The following PDE3A variants were observed in gnomAD, a reference collection of about 807,000 sequenced individuals.
The protein encoded by PDE3A is cGMP-inhibited 3',5'-cyclic phosphodiesterase 3A.
In PDE3A, 43 loss-of-function variants were observed where a neutral mutation model predicts 98.3. The observed-to-expected ratio is 0.44, with a 90% confidence interval of 0.34 to 0.56. PDE3A has a LOEUF of 0.56. Ranked by LOEUF, PDE3A falls within the 20% of genes least tolerant of loss-of-function variation. The pLI is 0.01. For missense variants in PDE3A, 1,427 were observed against 1,440.7 expected, an observed-to-expected ratio of 0.99 and a Z score of 0.15; for synonymous variants, 663 against 567.9, an observed-to-expected ratio of 1.17 and a Z score of -2.38.
chr12:20,515,978 C>A (rs866501895), intron 1 of PDE3A, among the ~76,000 whole-genome samples: 1 of 149,880 alleles, frequency 6.7e-6, no homozygotes, highest in Non-Finnish European at 1.5e-5. Context: ...GTGATCCGCC[C>A]GCCTCGGCCT....
intron 1 of PDE3A, among the ~76,000 whole-genome samples, chr12:20,519,651 A>G (rs1946386956): frequency 6.6e-6 from 1 of 152,214 alleles, no homozygotes; most frequent in South Asian, 2.1e-4. Flanking sequence ...AAGGGAATGT[A>G]AAAATATGTG....
intron 1 of PDE3A, among the ~76,000 whole-genome samples, chr12:20,502,263 C>G (rs1391135773): frequency 1.3e-5 from 2 of 152,102 alleles, no homozygotes; most frequent in Non-Finnish European, 2.9e-5. Flanking sequence ...TCACTTCCAA[C>G]TTCTTTTTAT....
chr12:20,672,104 C>T (rs1387090591), intron 15 of PDE3A, among the ~76,000 whole-genome samples: 3 of 151,284 alleles, frequency 2.0e-5, no homozygotes, highest in Admixed American at 6.6e-5. Context: ...ACAATTGCTT[C>T]AAAGAGAATA....
At chr12:20,435,558 A>T (rs1170708647) in intron 1 of PDE3A, among the ~76,000 whole-genome samples, 1 of 152,158 alleles carries the variant, frequency 6.6e-6, no homozygotes, top group Admixed American at 6.5e-5. Flanking sequence ...AAGTACTATT[A>T]TTATGGACAA....
At chr12:20,672,436 T>C (rs1169942958) in intron 15 of PDE3A, among the ~76,000 whole-genome samples, 2 of 148,058 alleles carry the variant, frequency 1.4e-5, no homozygotes, top group Non-Finnish European at 3.0e-5. Flanking sequence ...TCACACTACC[T>C]GACTTCAAAC....
intron 1 of PDE3A, among the ~76,000 whole-genome samples, chr12:20,516,576 T>C (rs78749270): frequency 0.014 from 2,112 of 152,250 alleles, 51 homozygotes; most frequent in African/African-American, 0.048. Context: ...TCTTTCAGGG[T>C]ATGGCATTCT....
intron 15 of PDE3A, among the ~76,000 whole-genome samples, chr12:20,678,764 T>C (rs1945698956): frequency 6.6e-6 from 1 of 152,136 alleles, no homozygotes; most frequent in African/African-American, 2.4e-5. Flanking sequence ...AAATGAGAAA[T>C]ATCTCAGGGG....
At chr12:20,440,771 C>T (rs1373854855) in intron 1 of PDE3A, among the ~76,000 whole-genome samples, 2 of 152,118 alleles carry the variant, frequency 1.3e-5, no homozygotes, top group African/African-American at 4.8e-5. Context: ...TGATCTAACT[C>T]ATTGTGGAAG....
At chr12:20,547,620 A>C (rs78201583) in intron 1 of PDE3A, among the ~76,000 whole-genome samples, 2,498 of 152,102 alleles carry the variant, frequency 0.016, 75 homozygotes, top group African/African-American at 0.058. Context: ...TTCCATCGTT[A>C]TCCTCTTTTT....
rs967581622 is a variant in PDE3A, at chr12:20,514,442, G to A, written c.961-42218G>A. Among the ~76,000 whole-genome samples the A allele has an allele frequency of 7.2e-5, 11 of 152,166 alleles. 1 individual carries two copies. In the South Asian group the frequency reaches 2.3e-3, roughly 32 times the overall value. On this transcript the variant is annotated intron_variant, in intron 1 of 15. Transcript: ENST00000359062. Reference sequence around the variant, plus strand: ...TTATTTGTGTTGTGTTTGAAGTAAAGCATGATTGATAACATTTGATGTGAA... The same window carrying A: ...TTATTTGTGTTGTGTTTGAAGTAAAACATGATTGATAACATTTGATGTGAA...
chr12:20,486,070 C>T (rs1261058137), intron 1 of PDE3A, among the ~76,000 whole-genome samples: 4 of 152,132 alleles, frequency 2.6e-5, no homozygotes, highest in Non-Finnish European at 4.4e-5. Flanking sequence ...TTTAGCCTAT[C>T]GCTGATAGAC....
chr12:20,390,022 T>C (rs554769795), intron 1 of PDE3A, among the ~76,000 whole-genome samples: 4 of 151,594 alleles, frequency 2.6e-5, no homozygotes, highest in African/African-American at 9.7e-5. Flanking sequence ...GGATATGAGG[T>C]AGGGAAGGAT....
intron 1 of PDE3A, among the ~76,000 whole-genome samples, chr12:20,473,806 A>G (rs149256822): frequency 6.6e-6 from 1 of 152,258 alleles, no homozygotes; most frequent in East Asian, 1.9e-4. Flanking sequence ...GTTGATATGT[A>G]TAATTATAGT....
chr12:20,412,507 C>T (rs555055800), intron 1 of PDE3A, among the ~76,000 whole-genome samples: 2 of 152,082 alleles, frequency 1.3e-5, no homozygotes, highest in East Asian at 3.9e-4. Flanking sequence ...TTAATGTATC[C>T]ATAGGCAATT....
At chr12:20,464,355 A>G (rs1273055781) in intron 1 of PDE3A, among the ~76,000 whole-genome samples, 1 of 152,222 alleles carries the variant, frequency 6.6e-6, no homozygotes, top group Admixed American at 6.5e-5. Context: ...AAAGCAATAT[A>G]TTCACTTAAC....
intron 1 of PDE3A, among the ~76,000 whole-genome samples, chr12:20,402,659 A>C (rs1039957592): frequency 1.3e-5 from 2 of 152,212 alleles, no homozygotes; most frequent in Non-Finnish European, 2.9e-5. Context: ...TGGTATTATA[A>C]ACACTAAAAA....
chr12:20,633,204 G>A (rs1485062239), intron 6 of PDE3A, among the ~76,000 whole-genome samples: 5 of 152,080 alleles, frequency 3.3e-5, no homozygotes, highest in Non-Finnish European at 5.9e-5. Flanking sequence ...ACCTGCCTTG[G>A]CCTCGAAAAG....
intron 1 of PDE3A, among the ~76,000 whole-genome samples, chr12:20,383,745 C>T (rs935258): frequency 0.68 from 102,385 of 151,658 alleles, 34,682 homozygotes; most frequent in East Asian, 0.88. Flanking sequence ...ACTTTTGTGA[C>T]AGAAGATGGA....
chr12:20,639,901 T>G lies in PDE3A; in HGVS notation c.2195T>G (p.Ile732Ser), dbSNP rs1235270021. 1 of 1,579,370 alleles carries G rather than the reference T, an allele frequency of 6.3e-7. No homozygotes were observed. The highest frequency in any genetic ancestry group is 2.2e-5 in the East Asian group (1 of 44,612). The change falls in exon 10 of 16, where the codon ATT becomes AGT. Residue 732 changes from isoleucine (I) to serine (S), a missense_variant. Physicochemically the swap from Ile to Ser is moderately radical, Grantham distance 142. Around this residue, in one of 3 missense-constraint regions of PDE3A, gnomAD observed 273 missense variants for 420.3 expected, o/e 0.65. Transcript: ENST00000359062. ...CTCTTTGAAGCTTTTAAAATTCCAA[T>G]TAGGGAATTTATGAATTATTTTCAT... is the stretch of plus-strand genomic sequence containing the variant. ...MGLFEAFKIPIREFMNYFHAL... is the reference protein window; with the variant it reads ...MGLFEAFKIPSREFMNYFHAL...
Sources: gnomAD v4.1 joint callset for allele counts (sites outside exome capture counted in the v4.1 genomes callset) on GRCh38, gnomAD v4.1.1 for gene constraint, gnomAD v4.1.1 regional missense constraint, MANE v1.5 for transcripts, NCBI Gene and HGNC (gene_info 2026-07-23, HGNC 2026-07-21) for gene names.